CNIH3: variants seen among roughly 807,000 people sequenced by gnomAD.
CNIH3 encodes protein cornichon homolog 3.
Under a neutral mutation model 24.1 loss-of-function variants are expected in CNIH3, and 14 were observed. That is an observed-to-expected ratio of 0.58 (90% CI 0.38 to 0.91). The LOEUF is 0.91. CNIH3 is among the 40% of genes least tolerant of loss of function. The pLI is 0.00. For missense variants in CNIH3, 178 were observed against 196.8 expected (o/e 0.90, Z 0.57); for synonymous variants, 68 against 73.8 (o/e 0.92, Z 0.40).
intron 3 of CNIH3, among the ~76,000 whole-genome samples, chr1:224,552,767 C>G (rs534326861): frequency 6.6e-6 from 1 of 151,516 alleles, no homozygotes; most frequent in African/African-American, 2.4e-5. Context: ...CGGGTGTACA[C>G]TCCCTGTGAT....
At position 224,486,279 on chromosome 1, in the gene CNIH3, TG is replaced by T. The variant is rs1469306774; in HGVS notation, n.204-29458del. On this transcript the variant is annotated intron_variant and non_coding_transcript_variant, in intron 1 of 5. Transcript: ENST00000471578. ...TGCCACCATGCCCAGCTAATTTTTG[TG>T]GGGTTTTTTTTTTGTGGAGATAGGG... Among the ~76,000 whole-genome samples, 8 of 151,386 alleles carry T rather than the reference TG, an allele frequency of 5.3e-5. No homozygotes were observed. The East Asian group carries it at 1.4e-3, about 26-fold the overall frequency.
chr1:224,493,424 G>T (rs1412435374), intron 1 of CNIH3, among the ~76,000 whole-genome samples: 1 of 152,082 alleles, frequency 6.6e-6, no homozygotes, highest in South Asian at 2.1e-4. Flanking sequence ...TTTTGGGAGT[G>T]GGGTAGGGAG....
chr1:224,520,502 A>G (rs1678580532), intron 1 of CNIH3, among the ~76,000 whole-genome samples: 1 of 152,258 alleles, frequency 6.6e-6, no homozygotes, highest in Admixed American at 6.5e-5. Flanking sequence ...ACTAGTTCAC[A>G]TAGAGATATG....
chr1:224,644,468 G>A (rs1684505613), intron 1 of CNIH3, among the ~76,000 whole-genome samples: 2 of 152,172 alleles, frequency 1.3e-5, no homozygotes, highest in Non-Finnish European at 2.9e-5. Flanking sequence ...GGAGTGTGGG[G>A]TTGGACCAGG....
chr1:224,595,875 A>G (rs1681957276), intron 3 of CNIH3, among the ~76,000 whole-genome samples: 1 of 152,246 alleles, frequency 6.6e-6, no homozygotes, highest in Non-Finnish European at 1.5e-5. Flanking sequence ...ACTCTCTTCA[A>G]TTCTATGAGG....
At chr1:224,477,851 G>A (rs894623662) in intron 1 of CNIH3, among the ~76,000 whole-genome samples, 1 of 152,108 alleles carries the variant, frequency 6.6e-6, no homozygotes, top group African/African-American at 2.4e-5. Flanking sequence ...GAAGGGTCTG[G>A]TATTGATGAA....
intron 3 of CNIH3, among the ~76,000 whole-genome samples, chr1:224,563,195 G>A (rs1038350036): frequency 8.5e-5 from 13 of 152,258 alleles, no homozygotes; most frequent in African/African-American, 3.1e-4. Flanking sequence ...TCTTGTACAG[G>A]CTGCAGAACC....
intron 1 of CNIH3, among the ~76,000 whole-genome samples, chr1:224,675,243 T>G (rs950347923): frequency 5.3e-5 from 8 of 152,208 alleles, no homozygotes; most frequent in African/African-American, 1.9e-4. Flanking sequence ...GCCAATTCCT[T>G]GAAATCACAA....
At position 224,730,473 on chromosome 1, in the gene CNIH3, A is replaced by G; in HGVS notation, c.210A>G (p.Pro70=). The G allele has an allele frequency of 6.4e-7, 1 of 1,557,004 alleles. No individual in the cohort carries two copies. Among genetic ancestry groups the G allele is most frequent in the South Asian group, 1.2e-5 (1 of 84,408 alleles). Residue 70 remains proline (P), a synonymous_variant, in exon 4 of 6, where the codon CCA becomes CCG. Coordinates refer to ENST00000272133, the MANE Select transcript of CNIH3 (RefSeq NM_152495.2). ...ICFLLRKLVL[P]EYSIHSLFCI... The stretch of plus-strand genomic sequence containing the variant: ...TGCTCCCTCTTCAGCTGGTGCTGCC[A>G]GAATACTCCATCCATAGCCTCTTCT...
chr1:224,672,081 C>T (rs1394181816), intron 1 of CNIH3, among the ~76,000 whole-genome samples: 1 of 152,130 alleles, frequency 6.6e-6, no homozygotes, highest in Non-Finnish European at 1.5e-5. Flanking sequence ...TTTAACAGGA[C>T]CTTAGAAAGG....
At chr1:224,714,600 A>T (rs1168064998) in intron 3 of CNIH3, among the ~76,000 whole-genome samples, 1 of 152,192 alleles carries the variant, frequency 6.6e-6, no homozygotes, top group African/African-American at 2.4e-5. Flanking sequence ...GTTTGAGGTG[A>T]TATAAATTCT....
downstream of CNIH3, among the ~76,000 whole-genome samples, chr1:224,538,830 ATTTTTTT>A (rs71574506): frequency 0.32 from 39,333 of 124,096 alleles, 5,486 homozygotes; most frequent in East Asian, 0.5. Context: ...AGCTAATTAC[ATTTTTTT>A]TTTTTTTTTT....
chr1:224,518,643 T>C (rs1678495942), intron 1 of CNIH3, among the ~76,000 whole-genome samples: 1 of 152,186 alleles, frequency 6.6e-6, no homozygotes, highest in South Asian at 2.1e-4. Context: ...TTTGTTTGCT[T>C]TTCAGCCCAT....
chr1:224,472,949 A>G (rs1376265252), intron 1 of CNIH3, among the ~76,000 whole-genome samples: 1 of 152,144 alleles, frequency 6.6e-6, no homozygotes, highest in Non-Finnish European at 1.5e-5. Flanking sequence ...TTTCATAAGA[A>G]TTCAAGGAAA....
At chr1:224,632,660 G>C (rs1683883777) in intron 1 of CNIH3, among the ~76,000 whole-genome samples, 1 of 152,042 alleles carries the variant, frequency 6.6e-6, no homozygotes, top group Admixed American at 6.6e-5. Flanking sequence ...GAAATCATCT[G>C]GAGCTGGGAA....
At chr1:224,446,114 C>T (rs6426128) in intron 1 of CNIH3, among the ~76,000 whole-genome samples, 148,972 of 152,298 alleles carry the variant, frequency 0.98, 72,923 homozygotes, top group East Asian at 1. Flanking sequence ...ATCTTTATGT[C>T]TTAACTGGCA....
At chr1:224,715,512 A>G (rs1688380006) in intron 3 of CNIH3, among the ~76,000 whole-genome samples, 1 of 152,172 alleles carries the variant, frequency 6.6e-6, no homozygotes. Flanking sequence ...ACTTTGTCTT[A>G]GTCTGTTTTG....
chr1:224,657,379 A>G (rs1468299238), intron 1 of CNIH3, among the ~76,000 whole-genome samples: 1 of 152,118 alleles, frequency 6.6e-6, no homozygotes, highest in Non-Finnish European at 1.5e-5. Context: ...AGAACACCAC[A>G]AATAGTTTTC....
chr1:224,473,700 G>C (rs940497658), intron 1 of CNIH3, among the ~76,000 whole-genome samples: 2 of 152,124 alleles, frequency 1.3e-5, no homozygotes, highest in African/African-American at 4.8e-5. Context: ...ACAATAGCTG[G>C]AAACTTCAAC....
Sources: gnomAD v4.1 joint callset for allele counts (sites outside exome capture counted in the v4.1 genomes callset) on GRCh38, gnomAD v4.1.1 for gene constraint, MANE v1.5 for transcripts, NCBI Gene and HGNC (gene_info 2026-07-23, HGNC 2026-07-21) for gene names.